The following CNTN4 variants were observed in gnomAD, a reference collection of about 807,000 sequenced individuals.
CNTN4 encodes contactin 4, also known as contactin-4.
In CNTN4, 77 loss-of-function variants were observed where a neutral mutation model predicts 122.5. The ratio of observed to expected loss-of-function variants is 0.63; its 90% confidence interval spans 0.52 to 0.76. The LOEUF is 0.76. Among genes scored for constraint, CNTN4 ranks in the 30% least tolerant of loss-of-function variants. The pLI is 0.00. For synonymous variants in CNTN4, 512 were observed against 447.0 expected, an observed-to-expected ratio of 1.15 and a Z score of -1.83; for missense variants, 1,256 against 1,259.1, an observed-to-expected ratio of 1.00 and a Z score of 0.04.
chr3:2,400,340 A>T (rs2046793288), intron 3 of CNTN4, among the ~76,000 whole-genome samples: 1 of 143,128 alleles, frequency 7.0e-6, no homozygotes, highest in Non-Finnish European at 1.5e-5. Flanking sequence ...TGTAAAAGAA[A>T]TATATATATA....
chr3:2,688,393 G>A (rs557420328), intron 4 of CNTN4, among the ~76,000 whole-genome samples: 3 of 152,194 alleles, frequency 2.0e-5, no homozygotes, highest in East Asian at 3.9e-4. Flanking sequence ...TGCCAGGCTC[G>A]GCACCAGCCA....
chr3:2,233,985 G>T (rs2039585394), intron 2 of CNTN4, among the ~76,000 whole-genome samples: 1 of 151,980 alleles, frequency 6.6e-6, no homozygotes, highest in Non-Finnish European at 1.5e-5. Context: ...GCTTCTTCAC[G>T]ATTCCAGCAA....
chr3:2,653,006 A>C (rs2083434076), intron 4 of CNTN4, among the ~76,000 whole-genome samples: 1 of 152,074 alleles, frequency 6.6e-6, no homozygotes, highest in African/African-American at 2.4e-5. Context: ...TTTCATGGTA[A>C]ATGTTGGTGT....
At chr3:2,977,060 T>A (rs374410886) in intron 13 of CNTN4, among the ~76,000 whole-genome samples, 2 of 152,328 alleles carry the variant, frequency 1.3e-5, no homozygotes, top group South Asian at 2.1e-4. Flanking sequence ...TGTTGATAGG[T>A]TGAATATATG....
chr3:2,630,798 T>A (rs1047121597), intron 4 of CNTN4, among the ~76,000 whole-genome samples: 1 of 152,070 alleles, frequency 6.6e-6, no homozygotes, highest in Non-Finnish European at 1.5e-5. Flanking sequence ...TTAAAAAATG[T>A]GTAAAATTTA....
At chr3:2,279,976 G>T (rs1305390604) in intron 2 of CNTN4, among the ~76,000 whole-genome samples, 1 of 147,230 alleles carries the variant, frequency 6.8e-6, no homozygotes, top group Non-Finnish European at 1.5e-5. Flanking sequence ...TATATAGAGA[G>T]AGAGATAGAT....
At chr3:2,349,714 G>T (rs535064776) in intron 3 of CNTN4, among the ~76,000 whole-genome samples, 31 of 152,294 alleles carry the variant, frequency 2.0e-4, no homozygotes, top group African/African-American at 7.5e-4. Flanking sequence ...GCATAGCTCT[G>T]ATTTTGCAAA....
At chr3:2,563,273 A>T (rs1242670255) in intron 3 of CNTN4, among the ~76,000 whole-genome samples, 1 of 152,220 alleles carries the variant, frequency 6.6e-6, no homozygotes, top group Non-Finnish European at 1.5e-5. Context: ...AACTATACAT[A>T]AAAAGAACGC....
chr3:2,752,428 C>T (rs774250177), intron 6 of CNTN4, among the ~76,000 whole-genome samples: 2 of 152,128 alleles, frequency 1.3e-5, no homozygotes, highest in Non-Finnish European at 2.9e-5. Flanking sequence ...TGCAGTGGCA[C>T]GATCTCGGCT....
chr3:2,774,315 C>T (rs1180024369), intron 6 of CNTN4, among the ~76,000 whole-genome samples: 2 of 151,920 alleles, frequency 1.3e-5, no homozygotes, highest in African/African-American at 2.4e-5. Flanking sequence ...ATTACCCCCA[C>T]CCCAATCTCC....
chr3:2,558,958 T>C (rs2078834286), intron 3 of CNTN4, among the ~76,000 whole-genome samples: 1 of 152,190 alleles, frequency 6.6e-6, no homozygotes, highest in Non-Finnish European at 1.5e-5. Flanking sequence ...ACATCTGTTA[T>C]ATATGTGACA....
intron 4 of CNTN4, among the ~76,000 whole-genome samples, chr3:2,703,585 A>G (rs1029986142): frequency 6.6e-6 from 1 of 152,182 alleles, no homozygotes; most frequent in South Asian, 2.1e-4. Flanking sequence ...AACTTTCAGT[A>G]TCTAGGAATC....
At chr3:3,024,400 A>G (rs1236986050) in intron 14 of CNTN4, among the ~76,000 whole-genome samples, 1 of 145,226 alleles carries the variant, frequency 6.9e-6, no homozygotes, top group Non-Finnish European at 1.5e-5. Context: ...AAAAAAAAAA[A>G]AAAAAAAACA....
chr3:2,327,165 G>GTA (rs2043499857), intron 2 of CNTN4, among the ~76,000 whole-genome samples: 1 of 151,882 alleles, frequency 6.6e-6, no homozygotes, highest in Non-Finnish European at 1.5e-5. Context: ...GTGTGTGTGT[G>GTA]TGTCTATAAA....
chr3:2,450,270 G>T (rs2048777642), intron 3 of CNTN4, among the ~76,000 whole-genome samples: 2 of 152,012 alleles, frequency 1.3e-5, no homozygotes, highest in Non-Finnish European at 2.9e-5. Context: ...GGGAGGCTGA[G>T]GCAGGAGGAT....
In CNTN4 at chr3:2,136,175, A is replaced by G. The variant is rs554393321; in HGVS notation, c.-145+35536A>G. On this transcript the variant is annotated intron_variant, in intron 2 of 24. Coordinates refer to ENST00000418658, the MANE Select transcript of CNTN4 (RefSeq NM_175607.3). ...AGGATGTAATCCCACGTTCTTGGTC[A>G]TAATCTTGTCATACTATAGAAAGGG... 7.2e-5 allele frequency among the ~76,000 whole-genome samples: 11 copies of G among 152,308 alleles called. No homozygotes were observed. The South Asian group carries it at 2.3e-3, about 32-fold the overall frequency.
At chr3:2,254,651 C>T (rs773917590) in intron 2 of CNTN4, among the ~76,000 whole-genome samples, 80 of 152,126 alleles carry the variant, frequency 5.3e-4, no homozygotes, top group Admixed American at 2.2e-3. Flanking sequence ...GGATGATGAG[C>T]GTTTTTTCAT....
At chr3:2,933,778 A>G (rs1239030312) in intron 13 of CNTN4, among the ~76,000 whole-genome samples, 1 of 152,228 alleles carries the variant, frequency 6.6e-6, no homozygotes, top group Non-Finnish European at 1.5e-5. Context: ...CTGGAAGTAT[A>G]GATCTGAGTT....
intron 3 of CNTN4, among the ~76,000 whole-genome samples, chr3:2,496,231 A>G (rs1344562773): frequency 6.6e-6 from 1 of 152,146 alleles, no homozygotes; most frequent in Non-Finnish European, 1.5e-5. Context: ...ACTCTTGATG[A>G]CGTCCGATGT....
Sources: gnomAD v4.1 joint callset for allele counts (sites outside exome capture counted in the v4.1 genomes callset) on GRCh38, gnomAD v4.1.1 for gene constraint, MANE v1.5 for transcripts, NCBI Gene and HGNC (gene_info 2026-07-23, HGNC 2026-07-21) for gene names.